Variants in PRRG1 observed in about 807,000 individuals in gnomAD.
The protein encoded by PRRG1 is transmembrane gamma-carboxyglutamic acid protein 1.
A neutral mutation model predicts 11.8 loss-of-function variants in PRRG1; 5 were observed. The ratio of observed to expected loss-of-function variants is 0.42; its 90% CI spans 0.22 to 0.89. The LOEUF is 0.89. Among genes scored for constraint, PRRG1 ranks in the 40% least tolerant of loss-of-function variants. The pLI, the probability that PRRG1 is intolerant of heterozygous loss-of-function variation, is 0.28. For synonymous variants in PRRG1, 66 were observed against 60.4 expected, an observed-to-expected ratio of 1.09 and a Z score of -0.43; for missense variants, 155 against 166.1, an observed-to-expected ratio of 0.93 and a Z score of 0.37.
chrX:37,399,952 C>T (rs1445343878), intron 1 of PRRG1, among the ~76,000 whole-genome samples: 2 of 111,427 alleles, frequency 1.8e-5, no homozygotes, highest in Non-Finnish European at 3.8e-5. Flanking sequence ...TATATATGCA[C>T]CCAATACAGG....
intron 2 of PRRG1, among the ~76,000 whole-genome samples, chrX:37,421,483 T>A (rs927879180): frequency 9.0e-6 from 1 of 111,466 alleles, no homozygotes; most frequent in Non-Finnish European, 1.9e-5. Flanking sequence ...AAGAGGCAAT[T>A]AAGGAAGTGA....
At chrX:37,428,926 T>C (rs902521570) in intron 3 of PRRG1, among the ~76,000 whole-genome samples, 1 of 112,768 alleles carries the variant, frequency 8.9e-6, no homozygotes, top group African/African-American at 3.2e-5. Context: ...TCTGTGCACC[T>C]GCAGGCTCAA....
At chrX:37,353,858 G>C (rs1930149633) in intron 1 of PRRG1, among the ~76,000 whole-genome samples, 1 of 112,638 alleles carries the variant, frequency 8.9e-6, no homozygotes, top group Middle Eastern at 4.6e-3. Flanking sequence ...GCATTTCTCA[G>C]ACCATATCCC....
intron 2 of PRRG1, among the ~76,000 whole-genome samples, chrX:37,406,529 T>TAA (rs1169531364): frequency 7.3e-5 from 8 of 109,418 alleles, no homozygotes; most frequent in African/African-American, 2.3e-4. Flanking sequence ...ATATACTATT[T>TAA]TATATATATA....
intron 3 of PRRG1, among the ~76,000 whole-genome samples, chrX:37,444,529 T>C (rs781986913): frequency 2.0e-4 from 22 of 111,771 alleles, no homozygotes; most frequent in African/African-American, 7.1e-4. Context: ...ATTAAATAAG[T>C]TAATATATGT....
intron 1 of PRRG1, among the ~76,000 whole-genome samples, chrX:37,397,109 G>A (rs1351640094): frequency 8.9e-6 from 1 of 112,461 alleles, no homozygotes; most frequent in African/African-American, 3.2e-5. Context: ...TACCACTTGT[G>A]ATATGCTTTG....
chrX:37,442,096 ACG>A, intron 3 of PRRG1: 4 of 764,044 alleles, frequency 5.2e-6, no homozygotes, highest in Non-Finnish European at 6.2e-6. Context: ...CCCCACAGCC[ACG>A]GTGTGCCTTC....
chrX:37,391,345 A>G (rs782148887), intron 1 of PRRG1, among the ~76,000 whole-genome samples: 2 of 111,839 alleles, frequency 1.8e-5, no homozygotes, highest in South Asian at 7.6e-4. Flanking sequence ...TGGCTTAGCT[A>G]CTTGCAGGGC....
rs188965614 is a variant in PRRG1, at chrX:37,390,514, C to T, written c.-41-15695C>T. Among the ~76,000 whole-genome samples the T allele has an allele frequency of 7.1e-5, 8 of 112,006 alleles. No homozygotes were observed. The East Asian group carries it at 2.2e-3, about 31-fold the overall frequency. On this transcript the variant is annotated intron_variant, in intron 1 of 3. Transcript: ENST00000378628. ...AGCAGAAGCCAAAAAGATCTAAAAG[C>T]ATACACTAATGATTTCATTTATATG...
chrX:37,443,755 G>GT (rs1473235876), intron 3 of PRRG1, among the ~76,000 whole-genome samples: 4 of 112,046 alleles, frequency 3.6e-5, no homozygotes, highest in Non-Finnish European at 7.5e-5. Context: ...TTATTTCCTA[G>GT]TAAGAAAAAG....
At chrX:37,430,761 T>A (rs1932819347) in intron 3 of PRRG1, among the ~76,000 whole-genome samples, 1 of 111,745 alleles carries the variant, frequency 8.9e-6, no homozygotes. Flanking sequence ...ACTAGGAAAC[T>A]GACGTTGGTA....
At chrX:37,386,760 A>G (rs1931344992) in intron 1 of PRRG1, 1 of 112,108 alleles carries the variant, frequency 8.9e-6, no homozygotes, top group South Asian at 3.7e-4. Flanking sequence ...CTCTGTATCA[A>G]ATTCCTTACC....
At chrX:37,418,649 A>G (rs962470692) in intron 2 of PRRG1, among the ~76,000 whole-genome samples, 1 of 111,999 alleles carries the variant, frequency 8.9e-6, no homozygotes, top group Non-Finnish European at 1.9e-5. Context: ...TGAACATCAT[A>G]TAGCCCTTTA....
intron 1 of PRRG1, among the ~76,000 whole-genome samples, chrX:37,403,195 G>C (rs1478949660): frequency 1.8e-5 from 2 of 109,630 alleles, no homozygotes; most frequent in South Asian, 4.0e-4. Flanking sequence ...GTTTATTGTG[G>C]CACTATTCAC....
At chrX:37,423,801 T>C (rs1238187291) in intron 2 of PRRG1, among the ~76,000 whole-genome samples, 1 of 111,624 alleles carries the variant, frequency 9.0e-6, no homozygotes, top group Admixed American at 9.5e-5. Context: ...CAGGCCAACT[T>C]TCAATCCTGT....
chrX:37,371,356 G>T (rs2146530211), intron 1 of PRRG1, among the ~76,000 whole-genome samples: 1 of 111,987 alleles, frequency 8.9e-6, no homozygotes, highest in South Asian at 3.7e-4. Flanking sequence ...GCTCAGTAAA[G>T]CTCCTTTTTG....
intron 1 of PRRG1, among the ~76,000 whole-genome samples, chrX:37,403,338 A>G (rs1556381020): frequency 1.8e-5 from 2 of 108,815 alleles, no homozygotes; most frequent in Non-Finnish European, 3.8e-5. Flanking sequence ...AGGGACATGG[A>G]TGAAATTGGA....
chrX:37,365,549 TAATC>T (rs1930548940), intron 1 of PRRG1, among the ~76,000 whole-genome samples: 1 of 112,296 alleles, frequency 8.9e-6, no homozygotes. Context: ...TGCTATATAA[TAATC>T]TGTTATCTGT....
At chrX:37,445,171 G>A (rs910166276) in intron 3 of PRRG1, among the ~76,000 whole-genome samples, 4 of 111,975 alleles carry the variant, frequency 3.6e-5, no homozygotes, top group African/African-American at 6.5e-5. Flanking sequence ...TGGCAAAGAG[G>A]CTCTCAAGCT....
Sources: gnomAD v4.1 joint callset for allele counts (sites outside exome capture counted in the v4.1 genomes callset) on GRCh38, gnomAD v4.1.1 for gene constraint, MANE v1.5 for transcripts, NCBI Gene and HGNC (gene_info 2026-07-23, HGNC 2026-07-21) for gene names.